The following DEK variants were observed in gnomAD, a reference collection of about 807,000 sequenced individuals.
DEK encodes the protein DEK proto-oncogene.
A neutral mutation model predicts 46.8 loss-of-function variants in DEK; 28 were observed. The ratio of observed to expected loss-of-function variants is 0.60; its 90% CI spans 0.44 to 0.82. The LOEUF is 0.82. DEK is among the 40% of genes least tolerant of loss of function. The pLI is 0.00. For synonymous variants in DEK, 160 were observed against 144.5 expected (o/e 1.11, Z -0.77); for missense variants, 416 against 430.6 (o/e 0.97, Z 0.30).
At chr6:18,237,847 T>G (rs1790727038) in intron 7 of DEK, among the ~76,000 whole-genome samples, 1 of 151,228 alleles carries the variant, frequency 6.6e-6, no homozygotes, top group South Asian at 2.1e-4. Flanking sequence ...GTTCTCTCTC[T>G]TTCAACTGGA....
intron 9 of DEK, among the ~76,000 whole-genome samples, chr6:18,227,553 C>T (rs896429838): frequency 3.9e-5 from 6 of 152,176 alleles, no homozygotes; most frequent in Admixed American, 1.3e-4. Flanking sequence ...CCTCAGAAGC[C>T]GGCCGGATCC....
At position 18,228,835 on chromosome 6, in the gene DEK, C is replaced by T. The variant is rs529935144; in HGVS notation, c.1048-2593G>A. On this transcript the variant is annotated intron_variant, in intron 9 of 10. Coordinates refer to ENST00000652689, the MANE Select transcript of DEK (RefSeq NM_003472.4). ...GCAGCAAGGCTGGGGGAGGGGCGCC[C>T]GCCATTGCTGAGGCTTGAGTTGTAA... 8.5e-5 allele frequency among the ~76,000 whole-genome samples: 13 copies of T among 152,360 alleles called. No homozygotes were observed. In the South Asian group the frequency reaches 1.7e-3, roughly 19 times the overall value.
At chr6:18,239,770 A>C (rs1790826128) in intron 7 of DEK, among the ~76,000 whole-genome samples, 1 of 152,096 alleles carries the variant, frequency 6.6e-6, no homozygotes, top group Non-Finnish European at 1.5e-5. Flanking sequence ...TCGTTTTTTT[A>C]TGACGAACTT....
At chr6:18,256,311 T>C (rs767582987) in intron 5 of DEK, 50 bp downstream of exon 5, 1 of 1,488,528 alleles carries the variant, frequency 6.7e-7, no homozygotes, top group Admixed American at 1.9e-5. Context: ...CATTAAAAAA[T>C]AAACTTAAAG....
At chr6:18,256,845 A>T (rs1264261994) in intron 4 of DEK, among the ~76,000 whole-genome samples, 1 of 152,216 alleles carries the variant, frequency 6.6e-6, no homozygotes, top group East Asian at 1.9e-4. Context: ...TTCCAAATCA[A>T]GAAGGACTTT....
At chr6:18,234,227 C>T (rs570479564) in intron 9 of DEK, among the ~76,000 whole-genome samples, 1 of 151,724 alleles carries the variant, frequency 6.6e-6, no homozygotes, top group South Asian at 2.1e-4. Flanking sequence ...TTAGGAGATA[C>T]ACCTAATGTA....
chr6:18,236,670 T>C (rs1790663627), intron 8 of DEK, 70 bp from the exon 9 acceptor site: 1 of 1,143,930 alleles, frequency 8.7e-7, no homozygotes, highest in South Asian at 2.0e-5. Flanking sequence ...CTGAGATGAA[T>C]TTTAAGCTTT....
intron 7 of DEK, among the ~76,000 whole-genome samples, chr6:18,242,267 C>T (rs886421202): frequency 6.6e-6 from 1 of 152,152 alleles, no homozygotes; most frequent in South Asian, 2.1e-4. Context: ...GGTGGCTGTG[C>T]CACGAGAATT....
rs1443265504 is a variant in DEK, at chr6:18,255,797, T to G, written c.507A>C (p.Ser169=). ...SICEVLDLER[S]GVNSELVKRI... Reference sequence around the variant, plus strand: ...TCTTCACTAGTTCACTATTTACACCTGATCTCTCCAAATCAAGAACCTCAC... The same window carrying G: ...TCTTCACTAGTTCACTATTTACACCGGATCTCTCCAAATCAAGAACCTCAC... The change falls in exon 6 of 11, where the codon TCA becomes TCC. Residue 169 remains serine, a synonymous_variant. Transcript: ENST00000652689. 3 of 1,612,668 alleles carry G rather than the reference T, an allele frequency of 1.9e-6. No individual in the cohort carries two copies. The highest frequency in any genetic ancestry group is 3.3e-5 in the Admixed American group (2 of 59,778).
intron 9 of DEK, among the ~76,000 whole-genome samples, chr6:18,228,700 T>C (rs1424089088): frequency 6.6e-6 from 1 of 152,148 alleles, no homozygotes; most frequent in African/African-American, 2.4e-5. Context: ...CCAACAATCT[T>C]AGCAAACGGG....
chr6:18,262,659 G>GC (rs567564911), intron 2 of DEK, among the ~76,000 whole-genome samples: 6 of 151,988 alleles, frequency 3.9e-5, no homozygotes, highest in Non-Finnish European at 8.8e-5. Context: ...TCTCAACCCT[G>GC]CCCCCACCAG....
At chr6:18,242,749 C>G (rs1247214432) in intron 7 of DEK, among the ~76,000 whole-genome samples, 1 of 152,100 alleles carries the variant, frequency 6.6e-6, no homozygotes, top group African/African-American at 2.4e-5. Context: ...GTTGGCAATT[C>G]AAACATGCCA....
intron 7 of DEK, among the ~76,000 whole-genome samples, chr6:18,240,245 C>A (rs1190042740): frequency 6.6e-6 from 1 of 152,186 alleles, no homozygotes. Flanking sequence ...AAAACCACAT[C>A]TTTCTACATT....
chr6:18,228,741 C>T (rs1003759308), intron 9 of DEK, among the ~76,000 whole-genome samples: 2 of 152,244 alleles, frequency 1.3e-5, no homozygotes, highest in Admixed American at 6.5e-5. Flanking sequence ...GCGCCTGGCT[C>T]GGAGAGTCCC....
chr6:18,234,199 G>A (rs1487402123), intron 9 of DEK, among the ~76,000 whole-genome samples: 3 of 122,388 alleles, frequency 2.5e-5, no homozygotes, highest in Non-Finnish European at 3.4e-5. Flanking sequence ...GGGTGGGGGG[G>A]ACGGGGGAGG....
At chr6:18,229,134 T>C (rs964923558) in intron 9 of DEK, among the ~76,000 whole-genome samples, 3 of 152,222 alleles carry the variant, frequency 2.0e-5, no homozygotes, top group South Asian at 4.1e-4. Flanking sequence ...GGGTCTGCAG[T>C]GGACCTCCAG....
chr6:18,260,415 T>C (rs1274403608), intron 2 of DEK, among the ~76,000 whole-genome samples: 2 of 152,176 alleles, frequency 1.3e-5, no homozygotes, highest in Non-Finnish European at 2.9e-5. Flanking sequence ...CTACAATTCA[T>C]GTCCTACAGG....
intron 7 of DEK, among the ~76,000 whole-genome samples, chr6:18,245,629 T>C (rs941896371): frequency 2.0e-5 from 3 of 152,256 alleles, no homozygotes; most frequent in Non-Finnish European, 4.4e-5. Flanking sequence ...AAAAGACTGT[T>C]AGAATTGTTT....
intron 9 of DEK, among the ~76,000 whole-genome samples, chr6:18,229,684 A>G (rs767856965): frequency 7.2e-5 from 11 of 152,220 alleles, no homozygotes; most frequent in Non-Finnish European, 1.2e-4. Context: ...GAGAAAAAAG[A>G]GTAAAAAGAA....
Sources: gnomAD v4.1 joint callset for allele counts (sites outside exome capture counted in the v4.1 genomes callset) on GRCh38, gnomAD v4.1.1 for gene constraint, MANE v1.5 for transcripts, NCBI Gene and HGNC (gene_info 2026-07-23, HGNC 2026-07-21) for gene names.